The following CARS1 variants were observed in gnomAD, a reference collection of about 807,000 sequenced individuals.
CARS1 encodes cysteine--tRNA ligase, cytoplasmic.
In CARS1, 48 loss-of-function variants were observed where a neutral mutation model predicts 106.2. The observed-to-expected ratio is 0.45, with a 90% CI of 0.36 to 0.57. The LOEUF (loss-of-function observed/expected upper bound fraction) is 0.57. Ranked by LOEUF, CARS1 falls within the 20% of genes least tolerant of loss-of-function variation. CARS1 has a pLI of 0.00. For synonymous variants in CARS1, 409 were observed against 403.4 expected, an observed-to-expected ratio of 1.01 and a Z score of -0.17; for missense variants, 968 against 1,057.2, an observed-to-expected ratio of 0.92 and a Z score of 1.17.
chr11:3,057,245 G>C, intron 1 of CARS1, 98 bp downstream of exon 1: 1 of 1,058,518 alleles, frequency 9.4e-7, no homozygotes, highest in African/African-American at 1.6e-5. Context: ...ATGCACCCGG[G>C]CCCCTCAGAC....
rs777914947 is a variant in CARS1, at chr11:3,048,041, G to A, written c.26-40C>T. ...GGCACATGGTGTCAGGCAGGCAGGCGGGCAGCCCAGAGGCCGCCAGAAAGA... is the reference window on the plus strand; with the variant it reads ...GGCACATGGTGTCAGGCAGGCAGGCAGGCAGCCCAGAGGCCGCCAGAAAGA... On this transcript the variant is annotated intron_variant, in intron 1 of 22. Coordinates refer to ENST00000380525, the MANE Select transcript of CARS1 (RefSeq NM_001014437.3). The surrounding 1 kb of genome is among the most constrained non-coding windows in gnomAD (Gnocchi z 5.1). The A allele has an allele frequency of 1.6e-5, 26 of 1,599,606 alleles. No individual in the cohort carries two copies. The highest frequency in any genetic ancestry group is 4.4e-5 in the South Asian group (4 of 90,458).
At chr11:3,014,437 G>A (rs1043704328) in intron 17 of CARS1, among the ~76,000 whole-genome samples, 2 of 152,248 alleles carry the variant, frequency 1.3e-5, no homozygotes, top group African/African-American at 4.8e-5. Context: ...GCAATCAGCT[G>A]ACTGCAAAGG....
At chr11:3,012,402 A>G in intron 17 of CARS1, 126 bp from the exon 18 acceptor site, 1 of 780,968 alleles carries the variant, frequency 1.3e-6, no homozygotes, top group Non-Finnish European at 2.2e-6. Context: ...TGCACACTAC[A>G]GCTGTGACCG....
At chr11:3,005,496 AGCCCT>A (rs376603650) in intron 19 of CARS1, 63 bp from the exon 20 acceptor site, 57 of 1,303,806 alleles carry the variant, frequency 4.4e-5, no homozygotes, top group African/African-American at 5.8e-5. Context: ...CTGCGGGGCC[AGCCCT>A]GCCCTGCCCT....
chr11:3,034,543 C>A lies in CARS1; in HGVS notation c.801+3507G>T, dbSNP rs1198211336. Among the ~76,000 whole-genome samples, 2 of 149,744 alleles carry A rather than the reference C, an allele frequency of 1.3e-5. No individual in the cohort carries two copies. On this transcript the variant is annotated intron_variant, in intron 7 of 22. Coordinates refer to ENST00000380525, the MANE Select transcript of CARS1 (RefSeq NM_001014437.3). The surrounding 1 kb of genome is among the most constrained non-coding windows in gnomAD (Gnocchi z 6.3). ...GCCGGGAATGGGTAAAATTTTTTTT[C>A]TTTTTGAGACGGAGTCTTGCTTCGT...
chr11:3,047,870 G>A lies in CARS1; in HGVS notation c.157C>T (p.Gln53Ter). 6.2e-7 allele frequency: 1 copy of A among 1,614,132 alleles called. No homozygotes were observed. ...GGGTCAGCGGGCGGGGCCGAGAGCT[G>A]CCTGAACGCGTCCACGTCTGCCTGG... The part of the protein sequence containing the change: ...LSQADVDAFR[Q>*]LSAPPADPQL... Residue 53 changes from glutamine (Q) to a stop codon, truncating the protein, a stop_gained, in exon 2 of 23, where the codon CAG becomes TAG. Coordinates refer to ENST00000380525, the MANE Select transcript of CARS1 (RefSeq NM_001014437.3). LOFTEE classifies it high-confidence loss of function.
chr11:3,038,131 G>C lies in CARS1; in HGVS notation c.720C>G (p.His240Gln), dbSNP rs768265306. 2 of 1,613,864 alleles carry C rather than the reference G, an allele frequency of 1.2e-6. No homozygotes were observed. Among genetic ancestry groups the C allele is most frequent in the Non-Finnish European group, 1.7e-6 (2 of 1,179,842 alleles). ...GTGGCTCTGTGGCAAGCTGCACTGC[G>C]TGCTGAATCCGTTCGAGCATCTGCT... Reference protein sequence around the residue: ...DKKQMLERIQHAVQLATEPLE... With the variant: ...DKKQMLERIQQAVQLATEPLE... Residue 240 changes from histidine to glutamine, a missense_variant, in exon 7 of 23, where the codon CAC becomes CAG. Transcript: ENST00000380525. The surrounding 1 kb of genome is among the most constrained non-coding windows in gnomAD (Gnocchi z 4.0).
Position 3,039,388 on chromosome 11 carries a change from G to T in CARS1, c.553-96C>A. 1 of 754,454 alleles carries T rather than the reference G, an allele frequency of 1.3e-6. No individual in the cohort carries two copies. The highest frequency in any genetic ancestry group is 2.3e-6 in the Non-Finnish European group (1 of 428,158). 46.7% of individuals were successfully genotyped at this position (754,454 alleles called of 1,614,324 possible). ...CTCTCCCTTGGCCAACTCTAAGTGA[G>T]GGTGAGGGTGGTGGGAGACAACTGT... On this transcript the variant is annotated intron_variant, in intron 5 of 22. Coordinates refer to ENST00000380525, the MANE Select transcript of CARS1 (RefSeq NM_001014437.3). The surrounding 1 kb of genome is among the most constrained non-coding windows in gnomAD (Gnocchi z 5.6).
intron 16 of CARS1, 38 bp from the exon 17 acceptor site, chr11:3,015,887 A>C (rs1329021339): frequency 6.4e-7 from 1 of 1,559,956 alleles, no homozygotes; most frequent in Admixed American, 1.7e-5. Context: ...AGCTGCGGCA[A>C]GATGAAGGCG....
In CARS1 at chr11:3,019,934, A is replaced by C. The variant is rs1851417161; in HGVS notation, c.1266+286T>G. Among the ~76,000 whole-genome samples, 1 of 152,190 alleles carries C rather than the reference A, an allele frequency of 6.6e-6. No homozygotes were observed. Reference sequence around the variant, plus strand: ...TGGGGCCTGGAATACTCAGAGTCACAGAACACAAGAACCAAGAAGCCTCCA... The same window carrying C: ...TGGGGCCTGGAATACTCAGAGTCACCGAACACAAGAACCAAGAAGCCTCCA... On this transcript the variant is annotated intron_variant, in intron 11 of 22. Coordinates refer to ENST00000380525, the MANE Select transcript of CARS1 (RefSeq NM_001014437.3). The surrounding 1 kb of genome is among the most constrained non-coding windows in gnomAD (Gnocchi z 6.2).
At chr11:3,031,721 G>A (rs1386373640) in intron 7 of CARS1, 1 of 152,248 alleles carries the variant, frequency 6.6e-6, no homozygotes, top group Admixed American at 6.5e-5. Flanking sequence ...AGACTCATAA[G>A]CTGAAAATTC....
chr11:3,002,428 G>A (rs1343402864), intron 21 of CARS1, 113 bp downstream of exon 21: 2 of 1,539,242 alleles, frequency 1.3e-6, no homozygotes, highest in Non-Finnish European at 8.7e-7. Context: ...CTCCTTCTGT[G>A]AGGGTCTGCA....
chr11:3,010,966 C>T lies in CARS1; in HGVS notation c.2068+1229G>A, dbSNP rs140574982. Reference sequence around the variant, plus strand: ...ATCCTAGGTCAGACTTCCCACCACACAGAGGCCCCCTGGGGAGGGAGAATT... The same window carrying T: ...ATCCTAGGTCAGACTTCCCACCACATAGAGGCCCCCTGGGGAGGGAGAATT... On this transcript the variant is annotated intron_variant, in intron 18 of 22. Transcript: ENST00000380525. 2.1e-3 allele frequency among the ~76,000 whole-genome samples: 321 copies of T among 152,342 alleles called. 1 individual carries two copies. The highest frequency in any genetic ancestry group is 7.3e-3 in the African/African-American group (303 of 41,590).
In CARS1 at chr11:3,017,680, T is replaced by G. The variant is rs1169894239; in HGVS notation, c.1727+177A>C. On this transcript the variant is annotated intron_variant, in intron 15 of 22. Coordinates refer to ENST00000380525, the MANE Select transcript of CARS1 (RefSeq NM_001014437.3). The surrounding 1 kb of genome is among the most constrained non-coding windows in gnomAD (Gnocchi z 4.9). ...ACAAAAAAGAAATTCTCCATGCACTTCAACACCCAGAGCAGCTCCCATTAG... is the reference window on the plus strand; with the variant it reads ...ACAAAAAAGAAATTCTCCATGCACTGCAACACCCAGAGCAGCTCCCATTAG... The G allele has an allele frequency of 5.1e-6, 3 of 589,566 alleles. No homozygotes were observed. The highest frequency in any genetic ancestry group is 9.0e-6 in the Non-Finnish European group (3 of 332,238). The allele number at this position is 589,566 out of a possible 1,614,324, so 36.5% of individuals were successfully genotyped here. A position where few individuals can be genotyped will look rare whatever the true frequency, so the allele number is the denominator to read the frequency against.
chr11:3,024,126 C>T (rs180820660), intron 10 of CARS1, among the ~76,000 whole-genome samples: 48 of 152,160 alleles, frequency 3.2e-4, no homozygotes, highest in African/African-American at 1.0e-3. Context: ...CTCCTGACCT[C>T]GTGATCCGCC....
Position 3,043,452 on chromosome 11 carries a change from C to T in CARS1, c.275-1196G>A, listed in dbSNP as rs924084168. Among the ~76,000 whole-genome samples the T allele has an allele frequency of 6.6e-6, 1 of 151,832 alleles. No individual in the cohort carries two copies. Among genetic ancestry groups the T allele is most frequent in the Non-Finnish European group, 1.5e-5 (1 of 67,990 alleles). On this transcript the variant is annotated intron_variant, in intron 2 of 22. Coordinates refer to ENST00000380525, the MANE Select transcript of CARS1 (RefSeq NM_001014437.3). The surrounding 1 kb of genome is among the most constrained non-coding windows in gnomAD (Gnocchi z 4.0). ...CCACAGGTCCAGGTTCTGCGTTATGCTCTGCTGGGCACCTCTGACCCCAGC... is the reference window on the plus strand; with the variant it reads ...CCACAGGTCCAGGTTCTGCGTTATGTTCTGCTGGGCACCTCTGACCCCAGC...
chr11:3,001,867 C>T (rs1849429183), intron 22 of CARS1, 103 bp downstream of exon 22: 3 of 959,052 alleles, frequency 3.1e-6, no homozygotes, highest in East Asian at 2.4e-5. Flanking sequence ...AAATTTTCTA[C>T]AGACAGAAAA....
chr11:3,037,998 C>G lies in CARS1; in HGVS notation c.801+52G>C. 6.4e-7 allele frequency: 1 copy of G among 1,566,332 alleles called. No individual in the cohort carries two copies. Among genetic ancestry groups the G allele is most frequent in the South Asian group, 1.1e-5 (1 of 88,360 alleles). ...CCGTGCACACAGATCAGTCTATGCA[C>G]GGCCCGACATTTGACCCGAACGGGC... On this transcript the variant is annotated intron_variant, in intron 7 of 22. Transcript: ENST00000380525. This position sits in a 1 kb window ranked among gnomAD's most constrained non-coding sequence, Gnocchi z 5.9.
At chr11:3,031,572 A>G (rs911791202) in intron 7 of CARS1, 1 of 152,236 alleles carries the variant, frequency 6.6e-6, no homozygotes, top group Non-Finnish European at 1.5e-5. Flanking sequence ...TCTACCTAAC[A>G]ACAGGTAAAA....
Sources: gnomAD v4.1 joint callset for allele counts (sites outside exome capture counted in the v4.1 genomes callset) on GRCh38, gnomAD v4.1.1 for gene constraint, Gnocchi (gnomAD v3.1) non-coding constraint, MANE v1.5 for transcripts, NCBI Gene and HGNC (gene_info 2026-07-23, HGNC 2026-07-21) for gene names.